Variants in ANKRD24 observed in about 807,000 individuals in gnomAD.
ANKRD24 encodes ankyrin repeat domain 24.
A neutral mutation model predicts 127.8 loss-of-function variants in ANKRD24; 109 were observed. The observed-to-expected ratio is 0.85, with a 90% confidence interval of 0.73 to 1.00. The LOEUF (loss-of-function observed/expected upper bound fraction) is 1.00, where lower values mean the gene tolerates loss of function less well. Among genes scored for constraint, ANKRD24 ranks in the 50% least tolerant of loss-of-function variants. ANKRD24 has a pLI of 0.00. For missense variants in ANKRD24, 1,648 were observed against 1,570.2 expected (o/e 1.05, Z -0.84); for synonymous variants, 743 against 671.1 (o/e 1.11, Z -1.66).
intron 13 of ANKRD24, 83 bp from the exon 14 acceptor site, chr19:4,212,392 T>G: frequency 1.4e-6 from 2 of 1,469,698 alleles, no homozygotes; most frequent in Non-Finnish European, 1.8e-6. Flanking sequence ...TGAATGTGCA[T>G]GGAATGGAGG....
chr19:4,204,966 A>T (rs141453290), intron 7 of ANKRD24, among the ~76,000 whole-genome samples: 1 of 152,026 alleles, frequency 6.6e-6, no homozygotes, highest in African/African-American at 2.4e-5. Context: ...GGCCGGGTGC[A>T]GTGGCTCACG....
At chr19:4,211,386 C>T (rs562450030) in intron 13 of ANKRD24, among the ~76,000 whole-genome samples, 1 of 151,998 alleles carries the variant, frequency 6.6e-6, no homozygotes, top group South Asian at 2.1e-4. Flanking sequence ...CACCTGTAAT[C>T]CCAGCACTTT....
At chr19:4,213,589 G>C (rs1374501990) in intron 15 of ANKRD24, among the ~76,000 whole-genome samples, 2 of 150,716 alleles carry the variant, frequency 1.3e-5, no homozygotes, top group Non-Finnish European at 2.9e-5. Flanking sequence ...CCAAGTAGCT[G>C]GGTCTACAGC....
chr19:4,213,863 G>T (rs1299811763), intron 15 of ANKRD24, among the ~76,000 whole-genome samples: 2 of 152,090 alleles, frequency 1.3e-5, no homozygotes, highest in Non-Finnish European at 2.9e-5. Flanking sequence ...TTGAACTCCT[G>T]ACCTCAGGTG....
chr19:4,223,663 C>G (rs1016924759), intron 20 of ANKRD24, among the ~76,000 whole-genome samples: 2 of 151,972 alleles, frequency 1.3e-5, no homozygotes, highest in African/African-American at 4.8e-5. Flanking sequence ...CTCCCGGGTT[C>G]AAGCGATTCT....
chr19:4,196,187 C>T (rs1463776396), intron 2 of ANKRD24, among the ~76,000 whole-genome samples: 2 of 152,086 alleles, frequency 1.3e-5, no homozygotes, highest in East Asian at 1.9e-4. Flanking sequence ...CTCATTTAAC[C>T]GTTGAGAAAT....
chr19:4,211,484 CA>C (rs931503680), intron 13 of ANKRD24, among the ~76,000 whole-genome samples: 3 of 148,414 alleles, frequency 2.0e-5, no homozygotes, highest in African/African-American at 4.9e-5. Flanking sequence ...ACTAAAAATA[CA>C]AAAAAAAAAT....
At position 4,217,743 on chromosome 19, in the gene ANKRD24, G is replaced by T. The variant is rs1970194724; in HGVS notation, c.2583G>T (p.Arg861Ser). The T allele has an allele frequency of 7.7e-7, 1 of 1,298,986 alleles. No individual in the cohort carries two copies. The highest frequency in any genetic ancestry group is 1.6e-5 in the African/African-American group (1 of 63,710). 80.5% of individuals were successfully genotyped at this position (1,298,986 alleles called of 1,614,324 possible). A position where few individuals can be genotyped will look rare whatever the true frequency, so the allele number is the denominator to read the frequency against. The change falls in exon 18 of 22, where the codon AGG becomes AGT. Residue 861 changes from arginine (R) to serine (S), a missense_variant. By Grantham distance (110) the Arg-to-Ser change is moderately radical. Coordinates refer to ENST00000318934, the MANE Select transcript of ANKRD24 (RefSeq NM_001393985.1). Reference protein sequence around the residue: ...EVLREQLATARATGEQQRTAA... With the variant: ...EVLREQLATASATGEQQRTAA... ...TGCGGGAGCAGCTGGCCACGGCCAG[G>T]GCCACGGGGGAGCAGCAGCGCACGG...
chr19:4,194,177 T>C (rs189311778), intron 2 of ANKRD24, among the ~76,000 whole-genome samples: 9 of 152,294 alleles, frequency 5.9e-5, no homozygotes, highest in Admixed American at 5.9e-4. Flanking sequence ...TTTTGTTTTG[T>C]TCCGAGATGG....
Position 4,218,027 on chromosome 19 carries a change from G to A in ANKRD24, c.2867G>A (p.Arg956Gln), listed in dbSNP as rs764342541. ...GCCCGGCTGCGCGCGGAGCTGGAGC[G>A]GGAGCGTGTGTGCAGCGTGGCGCTC... ...EAARLRAELE[R>Q]ERVCSVALSE... Residue 956 changes from arginine to glutamine, a missense_variant, in exon 18 of 22, where the codon CGG becomes CAG. By Grantham distance (43) the Arg-to-Gln change is conservative. Coordinates refer to ENST00000318934, the MANE Select transcript of ANKRD24 (RefSeq NM_001393985.1). The A allele has an allele frequency of 5.8e-6, 9 of 1,557,306 alleles. No individual in the cohort carries two copies. Among genetic ancestry groups the A allele is most frequent in the Non-Finnish European group, 7.8e-6 (9 of 1,157,476 alleles).
chr19:4,221,202 G>A (rs1206214560), intron 19 of ANKRD24, among the ~76,000 whole-genome samples: 2 of 151,814 alleles, frequency 1.3e-5, no homozygotes, highest in African/African-American at 2.4e-5. Flanking sequence ...CTAGCCTCCC[G>A]AGTAGCTGGG....
Position 4,190,449 on chromosome 19 carries a change from G to A in ANKRD24, c.36+3988G>A, listed in dbSNP as rs1968322842. On this transcript the variant is annotated intron_variant, in intron 2 of 21. Coordinates refer to ENST00000318934, the MANE Select transcript of ANKRD24 (RefSeq NM_001393985.1). ...GAAAAAAAAAAAAAAATCTGGCTCGGCATGGTGGCTCACGTCTGTAATCCC... is the reference window on the plus strand; with the variant it reads ...GAAAAAAAAAAAAAAATCTGGCTCGACATGGTGGCTCACGTCTGTAATCCC... Among the ~76,000 whole-genome samples the A allele has an allele frequency of 2.0e-5, 3 of 151,440 alleles. No individual in the cohort carries two copies. In the South Asian group the frequency reaches 6.3e-4, roughly 32 times the overall value.
chr19:4,183,445 G>A, intron 1 of ANKRD24: 1 of 676,474 alleles, frequency 1.5e-6, no homozygotes, highest in East Asian at 1.4e-4. Flanking sequence ...TCTATGCCCT[G>A]GTGGCTGCGG....
At chr19:4,214,955 C>T (rs1969974251) in intron 15 of ANKRD24, among the ~76,000 whole-genome samples, 1 of 152,194 alleles carries the variant, frequency 6.6e-6, no homozygotes. Context: ...CACAAAGACA[C>T]ACCTCCAGCC....
intron 1 of ANKRD24, among the ~76,000 whole-genome samples, chr19:4,184,276 G>T (rs2083794740): frequency 6.6e-6 from 1 of 152,216 alleles, no homozygotes; most frequent in Admixed American, 6.5e-5. Context: ...GGGCACTGTG[G>T]CCGGGAGCTC....
At chr19:4,200,033 T>G in intron 4 of ANKRD24, 28 bp downstream of exon 4, 1 of 1,566,682 alleles carries the variant, frequency 6.4e-7, no homozygotes, top group African/African-American at 1.4e-5. Flanking sequence ...GGGAGTGAGA[T>G]GGCTGAGGGG....
chr19:4,224,030 A>G (rs542768038), intron 20 of ANKRD24, 97 bp from the exon 21 acceptor site: 30 of 901,422 alleles, frequency 3.3e-5, no homozygotes, highest in African/African-American at 3.0e-4. Flanking sequence ...TCGGCCATCA[A>G]CGTACAGGCT....
At chr19:4,189,613 T>TG (rs972862027) in intron 2 of ANKRD24, among the ~76,000 whole-genome samples, 1 of 151,978 alleles carries the variant, frequency 6.6e-6, no homozygotes, top group Non-Finnish European at 1.5e-5. Flanking sequence ...CTCAAACTCC[T>TG]GGGCTCAAGA....
chr19:4,218,122 C>A lies in ANKRD24; in HGVS notation c.2962C>A (p.Leu988Met). ...VAQLEGQLEE[L>M]GRRHEKTSAE... is the part of the protein sequence containing the mutation. Reference sequence around the variant, plus strand: ...CCAGCTGGAGGGGCAGCTGGAGGAGCTGGGACGGCGGCATGAGAAGACCAG... The same window carrying A: ...CCAGCTGGAGGGGCAGCTGGAGGAGATGGGACGGCGGCATGAGAAGACCAG... The change falls in exon 18 of 22, where the codon CTG becomes ATG. Residue 988 changes from leucine (L) to methionine (M), a missense_variant. Coordinates refer to ENST00000318934, the MANE Select transcript of ANKRD24 (RefSeq NM_001393985.1). 6.5e-7 allele frequency: 1 copy of A among 1,539,874 alleles called. No individual in the cohort carries two copies. Among genetic ancestry groups the A allele is most frequent in the Non-Finnish European group, 8.7e-7 (1 of 1,144,686 alleles).
Sources: gnomAD v4.1 joint callset for allele counts (sites outside exome capture counted in the v4.1 genomes callset) on GRCh38, gnomAD v4.1.1 for gene constraint, MANE v1.5 for transcripts, NCBI Gene and HGNC (gene_info 2026-07-23, HGNC 2026-07-21) for gene names.